AGBL4: variants seen among roughly 807,000 people sequenced by gnomAD.
AGBL4 encodes cytosolic carboxypeptidase 6.
AGBL4 carries 58 observed loss-of-function variants against 66.4 expected under a neutral mutation model. The ratio of observed to expected loss-of-function variants is 0.87; its 90% confidence interval spans 0.71 to 1.09. The LOEUF (loss-of-function observed/expected upper bound fraction) is 1.09, where lower values mean the gene tolerates loss of function less well. Ranked by LOEUF, AGBL4 falls within the 50% of genes least tolerant of loss-of-function variation. The pLI is 0.00. For missense variants in AGBL4, 579 were observed against 631.0 expected, an observed-to-expected ratio of 0.92 and a Z score of 0.88; for synonymous variants, 234 against 222.9, an observed-to-expected ratio of 1.05 and a Z score of -0.44.
At chr1:49,178,661 T>C (rs1274482288) in intron 4 of AGBL4, among the ~76,000 whole-genome samples, 1 of 152,260 alleles carries the variant, frequency 6.6e-6, no homozygotes, top group East Asian at 1.9e-4. Flanking sequence ...AAATTTAATC[T>C]TTATGAGAAC....
Position 49,563,691 on chromosome 1 carries a change from T to G in AGBL4, c.282+133622A>C, listed in dbSNP as rs546639019. Among the ~76,000 whole-genome samples, 53 of 152,296 alleles carry G rather than the reference T, an allele frequency of 3.5e-4. 2 individuals carry two copies. The South Asian group carries it at 9.7e-3, about 28-fold the overall frequency. On this transcript the variant is annotated intron_variant, in intron 3 of 13. Coordinates refer to ENST00000371839, the MANE Select transcript of AGBL4 (RefSeq NM_032785.4). ...ATCATGGTGGATAAGCTTTTTGATG[T>G]GTTGCTGGATTTGGTTTGCCAGTAT...
chr1:49,391,389 A>G (rs970145465), intron 3 of AGBL4, among the ~76,000 whole-genome samples: 5 of 152,196 alleles, frequency 3.3e-5, no homozygotes, highest in Non-Finnish European at 5.9e-5. Context: ...CTTGAGCTAG[A>G]GAAACCAGTC....
chr1:49,044,680 A>C lies in AGBL4; in HGVS notation c.594+904T>G, dbSNP rs571039221. Among the ~76,000 whole-genome samples, 181 of 152,266 alleles carry C rather than the reference A, an allele frequency of 1.2e-3. 2 individuals carry two copies. The highest frequency in any genetic ancestry group is 1.8e-4 in the Non-Finnish European group (12 of 68,024). On this transcript the variant is annotated intron_variant, in intron 5 of 13. Transcript: ENST00000371839. ...AGATTAACCTGGATTATCTGGGTAA[A>C]TCCACTGTAAGCACAGGGATCCTTA...
intron 3 of AGBL4, among the ~76,000 whole-genome samples, chr1:49,339,199 C>T (rs1271952290): frequency 1.3e-5 from 2 of 152,124 alleles, no homozygotes; most frequent in South Asian, 2.1e-4. Flanking sequence ...CAAGCAAAGG[C>T]GAGCTCCCAG....
chr1:49,784,295 G>A (rs1241188716), intron 2 of AGBL4, among the ~76,000 whole-genome samples: 1 of 152,046 alleles, frequency 6.6e-6, no homozygotes, highest in Non-Finnish European at 1.5e-5. Flanking sequence ...TATATCAATG[G>A]AATAGAACTG....
intron 3 of AGBL4, among the ~76,000 whole-genome samples, chr1:49,306,979 C>G (rs185709781): frequency 6.6e-6 from 1 of 152,260 alleles, no homozygotes; most frequent in Non-Finnish European, 1.5e-5. Flanking sequence ...GAACTCAGCT[C>G]TGCTGTTCTG....
chr1:49,629,268 C>T (rs2124346759), intron 3 of AGBL4, among the ~76,000 whole-genome samples: 1 of 152,304 alleles, frequency 6.6e-6, no homozygotes, highest in South Asian at 2.1e-4. Flanking sequence ...TGGTCCTTTA[C>T]AGAAAAAGTT....
chr1:48,525,651 T>C, the AGBL4 span, among the ~76,000 whole-genome samples: 1 of 152,192 alleles, frequency 6.6e-6, no homozygotes, highest in Non-Finnish European at 1.5e-5. Flanking sequence ...CTGAAACCAG[T>C]TGAAGCTCTG....
chr1:49,654,205 T>C (rs368222122), intron 3 of AGBL4, among the ~76,000 whole-genome samples: 1 of 152,190 alleles, frequency 6.6e-6, no homozygotes, highest in African/African-American at 2.4e-5. Flanking sequence ...CAGGAGCAGG[T>C]TGTTCAATTT....
chr1:49,504,687 A>G (rs1237471754), intron 3 of AGBL4, among the ~76,000 whole-genome samples: 2 of 151,988 alleles, frequency 1.3e-5, no homozygotes, highest in Non-Finnish European at 2.9e-5. Context: ...TTCCATTTGC[A>G]TGGCATATCT....
At chr1:49,204,489 AG>A (rs370334141) in intron 4 of AGBL4, among the ~76,000 whole-genome samples, 37 of 152,196 alleles carry the variant, frequency 2.4e-4, no homozygotes, top group African/African-American at 8.9e-4. Flanking sequence ...TATGTTGCTC[AG>A]GCTAGTTTAA....
chr1:48,539,753 A>G lies in AGBL4; in HGVS notation c.1268-15T>C, dbSNP rs1296446163. The G allele has an allele frequency of 6.8e-7, 1 of 1,480,776 alleles. No individual in the cohort carries two copies. The highest frequency in any genetic ancestry group is 9.1e-7 in the Non-Finnish European group (1 of 1,104,330). The allele number at this position is 1,480,776 out of a possible 1,614,324, so 91.7% of individuals were successfully genotyped here. ...CAGCTTCATATCTGCAGGTGTGTGCATTAAGGAGCAACTTCGAAAACAGAT... is the reference window on the plus strand; with the variant it reads ...CAGCTTCATATCTGCAGGTGTGTGCGTTAAGGAGCAACTTCGAAAACAGAT... On this transcript the variant is annotated splice_polypyrimidine_tract_variant and intron_variant, in intron 11 of 13. Coordinates refer to ENST00000371839, the MANE Select transcript of AGBL4 (RefSeq NM_032785.4).
chr1:48,949,075 G>A (rs919946664), intron 5 of AGBL4, among the ~76,000 whole-genome samples: 2 of 152,150 alleles, frequency 1.3e-5, no homozygotes, highest in Non-Finnish European at 2.9e-5. Flanking sequence ...TGGAAACTGA[G>A]TACAAGACTC....
intron 3 of AGBL4, among the ~76,000 whole-genome samples, chr1:49,571,202 A>G (rs986063725): frequency 2.0e-5 from 3 of 151,874 alleles, no homozygotes; most frequent in Admixed American, 6.6e-5. Context: ...AACTACATTA[A>G]TTCTTCAGGT....
Position 49,148,321 on chromosome 1 carries a change from T to C in AGBL4, c.377+97449A>G, listed in dbSNP as rs1001120977. 2.0e-5 allele frequency among the ~76,000 whole-genome samples: 3 copies of C among 152,300 alleles called. No individual in the cohort carries two copies. In the South Asian group the frequency reaches 6.2e-4, roughly 32 times the overall value. ...TAGTCTCCAGGATTTGGCTATTTTC[T>C]GTTAAAAGGACATGGCTTTTCTTTA... is the stretch of plus-strand genomic sequence containing the variant. On this transcript the variant is annotated intron_variant, in intron 4 of 13. Transcript: ENST00000371839.
At chr1:48,902,210 T>C (rs548446434) in intron 5 of AGBL4, among the ~76,000 whole-genome samples, 9 of 152,184 alleles carry the variant, frequency 5.9e-5, no homozygotes, top group South Asian at 2.1e-4. Context: ...TGTATACATA[T>C]GCCAAAATGT....
In AGBL4 at chr1:49,948,574, T is replaced by TAG. The variant is rs1417717198; in HGVS notation, c.34+75188_34+75189insCT. 6.0e-4 allele frequency among the ~76,000 whole-genome samples: 73 copies of TAG among 121,632 alleles called. 1 individual carries two copies. Among genetic ancestry groups the TAG allele is most frequent in the East Asian group, 3.8e-3 (17 of 4,532 alleles). The allele number at this position is 121,632 out of a possible 152,430, so 79.8% of individuals were successfully genotyped here. A position where few individuals can be genotyped will look rare whatever the true frequency, so the allele number is the denominator to read the frequency against. Reference sequence around the variant, plus strand: ...ATATAAATATATAAAAATATATATATATATATATAGAGAGAGAGAGAGAGA... The same window carrying TAG: ...ATATAAATATATAAAAATATATATATAGATATATATAGAGAGAGAGAGAGAGA... On this transcript the variant is annotated intron_variant, in intron 1 of 13. Coordinates refer to ENST00000371839, the MANE Select transcript of AGBL4 (RefSeq NM_032785.4).
chr1:49,200,250 C>T (rs1055106777), intron 4 of AGBL4, among the ~76,000 whole-genome samples: 2 of 152,172 alleles, frequency 1.3e-5, no homozygotes, highest in African/African-American at 4.8e-5. Flanking sequence ...TATCTTCCTA[C>T]CCCAAGCTCA....
At chr1:48,528,969 C>T (rs992605904), downstream of AGBL4, among the ~76,000 whole-genome samples, 4 of 152,030 alleles carry the variant, frequency 2.6e-5, no homozygotes, top group African/African-American at 4.8e-5. Context: ...ATGTTCAACA[C>T]TGTCTTCCCA....
Sources: gnomAD v4.1 joint callset for allele counts (sites outside exome capture counted in the v4.1 genomes callset) on GRCh38, gnomAD v4.1.1 for gene constraint, MANE v1.5 for transcripts, NCBI Gene and HGNC (gene_info 2026-07-23, HGNC 2026-07-21) for gene names.